The following RAP1B variants were observed in gnomAD, a reference collection of about 807,000 sequenced individuals.
The protein encoded by RAP1B is ras-related protein Rap-1b.
Under a neutral mutation model 27.5 loss-of-function variants are expected in RAP1B, and 1 was observed. The observed-to-expected ratio is 0.04, with a 90% CI of 0.01 to 0.17. RAP1B has a LOEUF of 0.17. Among genes scored for constraint, RAP1B ranks in the 10% least tolerant of loss-of-function variants. RAP1B has a pLI of 1.00. For synonymous variants in RAP1B, 75 were observed against 73.1 expected, an observed-to-expected ratio of 1.03 and a Z score of -0.13; for missense variants, 84 against 214.8, an observed-to-expected ratio of 0.39 and a Z score of 3.81.
intron 1 of RAP1B, chr12:68,624,687 G>C (rs1430253827): frequency 6.6e-6 from 1 of 152,252 alleles, no homozygotes; most frequent in Admixed American, 6.5e-5. Flanking sequence ...ATGGTGGTGT[G>C]TTCCTGTAGT....
At chr12:68,617,441 C>A (rs1369595185) in intron 1 of RAP1B, among the ~76,000 whole-genome samples, 1 of 152,172 alleles carries the variant, frequency 6.6e-6, no homozygotes, top group Admixed American at 6.5e-5. Context: ...CATATGTTAT[C>A]TGTTGTTTTC....
At chr12:68,637,821 T>C (rs1872737132) in intron 1 of RAP1B, among the ~76,000 whole-genome samples, 2 of 152,130 alleles carry the variant, frequency 1.3e-5, no homozygotes, top group African/African-American at 4.8e-5. Context: ...TTACCAATTA[T>C]GAACTAGCCT....
rs1431822629 is a variant in RAP1B at position 68,666,763 on chromosome 12, G to C, written c.*7514G>C. The C allele has an allele frequency of 6.6e-6, 1 of 152,142 alleles. No individual in the cohort carries two copies. Among genetic ancestry groups the C allele is most frequent in the African/African-American group, 2.4e-5 (1 of 41,404 alleles). 9.4% of individuals were successfully genotyped at this position (152,142 alleles called of 1,614,324 possible). A position where few individuals can be genotyped will look rare whatever the true frequency, so the allele number is the denominator to read the frequency against. ...ACCAAAACATTTTAACAATTTTTCAGTACCAAAGACTAGTATGGGTCTGCT... is the reference window on the plus strand; with the variant it reads ...ACCAAAACATTTTAACAATTTTTCACTACCAAAGACTAGTATGGGTCTGCT... On this transcript the variant is annotated 3_prime_UTR_variant, in exon 8 of 8. Transcript: ENST00000250559.
At chr12:68,618,152 A>G (rs994253091) in intron 1 of RAP1B, among the ~76,000 whole-genome samples, 3 of 137,654 alleles carry the variant, frequency 2.2e-5, no homozygotes, top group African/African-American at 8.3e-5. Flanking sequence ...CAGTGGCACA[A>G]TCTTCGCTCA....
chr12:68,660,943 T>TTA lies in RAP1B; in HGVS notation c.*1695_*1696dup, dbSNP rs1486736219. 1 of 152,210 alleles carries TTA rather than the reference T, an allele frequency of 6.6e-6. No individual in the cohort carries two copies. The highest frequency in any genetic ancestry group is 1.5e-5 in the Non-Finnish European group (1 of 68,042). 9.4% of individuals were successfully genotyped at this position (152,210 alleles called of 1,614,324 possible). On this transcript the variant is annotated 3_prime_UTR_variant, in exon 8 of 8. Coordinates refer to ENST00000250559, the MANE Select transcript of RAP1B (RefSeq NM_001010942.3). ...TCTTTGAGTGATGTGGATTAAGCAC[T>TTA]TAGAGAATCGATATTTTTCTTAAAT...
At chr12:68,619,984 A>C (rs1329771032) in intron 1 of RAP1B, among the ~76,000 whole-genome samples, 3 of 152,144 alleles carry the variant, frequency 2.0e-5, no homozygotes, top group East Asian at 3.8e-4. Flanking sequence ...ATCCTTAAGT[A>C]GATTTTTAGT....
At position 68,638,647 on chromosome 12, in the gene RAP1B, A is replaced by G. The variant is rs148922026; in HGVS notation, c.-26-10052A>G. On this transcript the variant is annotated intron_variant, in intron 1 of 7. Coordinates refer to ENST00000250559, the MANE Select transcript of RAP1B (RefSeq NM_001010942.3). ...CCAGTGCAATTTATTTTTTTATAGT[A>G]ATTAAGGAATCTAACTTTTTTTTGT... 1.0e-3 allele frequency among the ~76,000 whole-genome samples: 158 copies of G among 152,166 alleles called. 3 individuals carry two copies. In the East Asian group the frequency reaches 0.028, roughly 27 times the overall value.
intron 1 of RAP1B, among the ~76,000 whole-genome samples, chr12:68,614,203 T>C (rs1870817864): frequency 6.6e-6 from 1 of 152,214 alleles, no homozygotes; most frequent in Non-Finnish European, 1.5e-5. Flanking sequence ...AAATATTTAT[T>C]GAGGTAGTGA....
At chr12:68,620,983 G>A (rs1871349178) in intron 1 of RAP1B, among the ~76,000 whole-genome samples, 1 of 152,208 alleles carries the variant, frequency 6.6e-6, no homozygotes, top group South Asian at 2.1e-4. Context: ...GTTACAGTTT[G>A]TATTGTGCAC....
intron 6 of RAP1B, 116 bp downstream of exon 6, chr12:68,656,565 G>GAA: frequency 1.0e-6 from 1 of 978,626 alleles, no homozygotes. Context: ...GATGTTACAG[G>GAA]CAAAAAAAAA....
rs370006530 is a variant in RAP1B at position 68,645,926 on chromosome 12, T to C, written c.-26-2773T>C. Among the ~76,000 whole-genome samples, 37 of 152,276 alleles carry C rather than the reference T, an allele frequency of 2.4e-4. No homozygotes were observed. In the East Asian group the frequency reaches 5.0e-3, roughly 21 times the overall value. Reference sequence around the variant, plus strand: ...CTGGTGTGAATGGGTAAAGAAAATATCATGTATTCATGTGGTATATTTTAA... The same window carrying C: ...CTGGTGTGAATGGGTAAAGAAAATACCATGTATTCATGTGGTATATTTTAA... On this transcript the variant is annotated intron_variant, in intron 1 of 7. Coordinates refer to ENST00000250559, the MANE Select transcript of RAP1B (RefSeq NM_001010942.3).
intron 4 of RAP1B, among the ~76,000 whole-genome samples, chr12:68,653,519 CATG>C (rs763440104): frequency 1.9e-4 from 29 of 152,082 alleles, no homozygotes; most frequent in Non-Finnish European, 4.1e-4. Context: ...GTGCTTTATA[CATG>C]ATGATGTATT....
rs1215287596 is a variant in RAP1B at position 68,661,786 on chromosome 12, A to G, written c.*2537A>G. 1 of 152,002 alleles carries G rather than the reference A, an allele frequency of 6.6e-6. No homozygotes were observed. Among genetic ancestry groups the G allele is most frequent in the African/African-American group, 2.4e-5 (1 of 41,372 alleles). 9.4% of individuals were successfully genotyped at this position (152,002 alleles called of 1,614,324 possible). A position where few individuals can be genotyped will look rare whatever the true frequency, so the allele number is the denominator to read the frequency against. ...CTACTGCTCTGGTGGGAAACAACAC[A>G]TTAGTTACAGATGAGTGTTAGGGTT... On this transcript the variant is annotated 3_prime_UTR_variant, in exon 8 of 8. Coordinates refer to ENST00000250559, the MANE Select transcript of RAP1B (RefSeq NM_001010942.3).
At position 68,664,274 on chromosome 12, in the gene RAP1B, A is replaced by G. The variant is rs1874752320; in HGVS notation, c.*5025A>G. On this transcript the variant is annotated 3_prime_UTR_variant, in exon 8 of 8. Transcript: ENST00000250559. ...TTTTTGTCATCCGCCATTATTACCC[A>G]TTCAAATTTCTATTTATGTCTGGTA... is the stretch of plus-strand genomic sequence containing the variant. The G allele has an allele frequency of 6.6e-6, 1 of 152,214 alleles. No individual in the cohort carries two copies. The highest frequency in any genetic ancestry group is 1.5e-5 in the Non-Finnish European group (1 of 68,042). 9.4% of individuals were successfully genotyped at this position (152,214 alleles called of 1,614,324 possible).
At position 68,610,941 on chromosome 12, in the gene RAP1B, C is replaced by G; in HGVS notation, c.-129C>G. 1 of 308,866 alleles carries G rather than the reference C, an allele frequency of 3.2e-6. No individual in the cohort carries two copies. The highest frequency in any genetic ancestry group is 6.0e-6 in the Non-Finnish European group (1 of 167,494). The allele number at this position is 308,866 out of a possible 1,614,324, so 19.1% of individuals were successfully genotyped here. On this transcript the variant is annotated 5_prime_UTR_variant, in exon 1 of 8. Transcript: ENST00000250559. ...CCCAGATTCAGGCGTGTAAACCAGC[C>G]GGAGCGGCGCGGCAGCGGCAGGACC... is the stretch of plus-strand genomic sequence containing the variant.
At chr12:68,615,820 T>G (rs1343229457) in intron 1 of RAP1B, among the ~76,000 whole-genome samples, 1 of 152,142 alleles carries the variant, frequency 6.6e-6, no homozygotes, top group Non-Finnish European at 1.5e-5. Flanking sequence ...CATATATCAG[T>G]GAGACCTTTT....
intron 1 of RAP1B, among the ~76,000 whole-genome samples, chr12:68,636,123 G>C (rs1359965612): frequency 6.6e-6 from 1 of 150,710 alleles, no homozygotes; most frequent in East Asian, 2.0e-4. Flanking sequence ...GACCTCAAGT[G>C]ATCTGCCCGC....
intron 1 of RAP1B, among the ~76,000 whole-genome samples, chr12:68,613,354 G>A (rs1870748991): frequency 7.1e-6 from 1 of 141,576 alleles, no homozygotes; most frequent in Non-Finnish European, 1.5e-5. Context: ...CTGCACTACT[G>A]TACTGCAGCC....
At chr12:68,650,334 A>G (rs527507597) in intron 2 of RAP1B, 66 bp from the exon 3 acceptor site, 15 of 1,392,214 alleles carry the variant, frequency 1.1e-5, no homozygotes, top group East Asian at 7.8e-5. Flanking sequence ...TCAGTTTACA[A>G]TTACATTAAA....
Sources: gnomAD v4.1 joint callset for allele counts (sites outside exome capture counted in the v4.1 genomes callset) on GRCh38, gnomAD v4.1.1 for gene constraint, MANE v1.5 for transcripts, NCBI Gene and HGNC (gene_info 2026-07-23, HGNC 2026-07-21) for gene names.